Variants in WAPL observed in about 807,000 individuals in gnomAD.
WAPL encodes wings apart-like protein homolog.
A neutral mutation model predicts 121.0 loss-of-function variants in WAPL; 5 were observed. The observed-to-expected ratio is 0.04, with a 90% CI of 0.02 to 0.09. The LOEUF is 0.09. Among genes scored for constraint, WAPL ranks in the 10% least tolerant of loss-of-function variants. The pLI, the probability that WAPL is intolerant of heterozygous loss-of-function variation, is 1.00. For missense variants in WAPL, 999 were observed against 1,410.8 expected (o/e 0.71, Z 4.68); for synonymous variants, 480 against 481.5 (o/e 1.00, Z 0.04).
chr10:86,475,077 T>C (rs1841622129), intron 4 of WAPL, among the ~76,000 whole-genome samples: 1 of 152,250 alleles, frequency 6.6e-6, no homozygotes, highest in South Asian at 2.1e-4. Context: ...ATTGAGGTTA[T>C]TGTGCTGCCC....
intron 16 of WAPL, among the ~76,000 whole-genome samples, chr10:86,445,608 T>C (rs1849596649): frequency 6.6e-6 from 1 of 152,062 alleles, no homozygotes; most frequent in African/African-American, 2.4e-5. Flanking sequence ...CACTGTAACT[T>C]TGAATTCCTC....
At chr10:86,460,016 AG>A (rs1267506469) in intron 11 of WAPL, among the ~76,000 whole-genome samples, 1 of 152,236 alleles carries the variant, frequency 6.6e-6, no homozygotes, top group Non-Finnish European at 1.5e-5. Context: ...CAAGAGGCTG[AG>A]GCATGAAATT....
chr10:86,515,463 T>C (rs969593494), intron 2 of WAPL, among the ~76,000 whole-genome samples: 1 of 152,062 alleles, frequency 6.6e-6, no homozygotes, highest in Admixed American at 6.6e-5. Flanking sequence ...AAATGAGAGC[T>C]GAGTTAAAAT....
At position 86,500,457 on chromosome 10, in the gene WAPL, C is replaced by A; in HGVS notation, c.786G>T (p.Glu262Asp). ...GATTTTTAAAATCGTCATCCTTCATCTCCAAAAGGGGATCACTATCCAAAC... is the reference window on the plus strand; with the variant it reads ...GATTTTTAAAATCGTCATCCTTCATATCCAAAAGGGGATCACTATCCAAAC... ...ILSLDSDPLL[E>D]MKDDDFKNRL... Residue 262 changes from glutamate (E) to aspartate (D), a missense_variant, in exon 3 of 19, where the codon GAG (glutamate) becomes GAT (aspartate). By Grantham distance (45) the Glu-to-Asp change is conservative. Transcript: ENST00000298767. 6.2e-7 allele frequency: 1 copy of A among 1,614,242 alleles called. No individual in the cohort carries two copies. The highest frequency in any genetic ancestry group is 8.5e-7 in the Non-Finnish European group (1 of 1,180,052).
intron 16 of WAPL, among the ~76,000 whole-genome samples, 171 bp downstream of exon 16, chr10:86,446,071 T>G (rs1227478199): frequency 6.6e-6 from 1 of 152,188 alleles, no homozygotes; most frequent in Non-Finnish European, 1.5e-5. Flanking sequence ...CCTTCCTCAC[T>G]GTGGGAGAAC....
chr10:86,517,216 C>T (rs1842571670), intron 2 of WAPL, among the ~76,000 whole-genome samples: 1 of 152,132 alleles, frequency 6.6e-6, no homozygotes, highest in Non-Finnish European at 1.5e-5. Context: ...AAATACTCAT[C>T]TCATTTTCAT....
chr10:86,461,153 C>A, intron 10 of WAPL, 23 bp downstream of exon 10: 1 of 1,539,360 alleles, frequency 6.5e-7, no homozygotes, highest in East Asian at 2.3e-5. Flanking sequence ...TATATAAAAA[C>A]ATTCTAAATG....
rs868836610 is a variant in WAPL, at chr10:86,456,175, G to A, written c.2658-2344C>T. On this transcript the variant is annotated intron_variant, in intron 12 of 18. Transcript: ENST00000298767. ...CACAGGGGTACTAAGCTGAGAGAAG[G>A]ACCTTAGTTAAGGCAGCTAGCACTG... Among the ~76,000 whole-genome samples the A allele has an allele frequency of 4.6e-5, 7 of 152,250 alleles. No individual in the cohort carries two copies. In the South Asian group the frequency reaches 1.5e-3, roughly 32 times the overall value.
rs1842233377 is a variant in WAPL at position 86,500,762 on chromosome 10, G to C, written c.500-19C>G. The stretch of plus-strand genomic sequence containing the variant: ...ACTTTATCTGTAAAAATAAGTCAAA[G>C]GATAAAAACATGAGTGGTATCAACA... On this transcript the variant is annotated intron_variant, in intron 2 of 18. Coordinates refer to ENST00000298767, the MANE Select transcript of WAPL (RefSeq NM_015045.5). 1.3e-6 allele frequency: 2 copies of C among 1,522,988 alleles called. No individual in the cohort carries two copies. The highest frequency in any genetic ancestry group is 1.8e-6 in the Non-Finnish European group (2 of 1,141,372). The allele number at this position is 1,522,988 out of a possible 1,614,324, so 94.3% of individuals were successfully genotyped here.
At chr10:86,480,608 T>TA (rs1017011534) in intron 4 of WAPL, among the ~76,000 whole-genome samples, 38 of 146,794 alleles carry the variant, frequency 2.6e-4, no homozygotes, top group African/African-American at 8.6e-4. Flanking sequence ...AATTTAGAAA[T>TA]AAAAAAACCG....
intron 2 of WAPL, among the ~76,000 whole-genome samples, chr10:86,513,190 G>C (rs1246802056): frequency 6.6e-6 from 1 of 152,072 alleles, no homozygotes. Flanking sequence ...AGAGATGGGG[G>C]TTTCACTATG....
At chr10:86,497,421 AAAG>A in intron 3 of WAPL, 102 bp from the exon 4 acceptor site, 1 of 885,038 alleles carries the variant, frequency 1.1e-6, no homozygotes, top group Non-Finnish European at 1.8e-6. Context: ...AATGGGAAGA[AAAG>A]AATAAAGGAA....
Position 86,453,775 on chromosome 10 carries a change from A to G in WAPL, c.2714T>C (p.Ile905Thr). ...CAGAGGCTTACTGTCAGCTAAGCAT[A>G]TGCTGTCCTCAGCACGGTTGTACTG... is the stretch of plus-strand genomic sequence containing the variant. The part of the protein sequence containing the change: ...IQQYNRAEDS[I>T]CLADSKPLPH... Residue 905 changes from isoleucine to threonine, a missense_variant, in exon 13 of 19, where the codon ATA (isoleucine) becomes ACA (threonine). By Grantham distance (89) the Ile-to-Thr change is moderately conservative (BLOSUM62 -1). Transcript: ENST00000298767. The G allele has an allele frequency of 6.2e-7, 1 of 1,614,116 alleles. No individual in the cohort carries two copies. Among genetic ancestry groups the G allele is most frequent in the Non-Finnish European group, 8.5e-7 (1 of 1,180,028 alleles).
At chr10:86,447,727 G>C (rs192037274) in intron 15 of WAPL, among the ~76,000 whole-genome samples, 90 of 152,288 alleles carry the variant, frequency 5.9e-4, no homozygotes, top group African/African-American at 2.0e-3. Flanking sequence ...TCCTAAACCA[G>C]GAAATTATGC....
At chr10:86,516,197 CTAAACT>C (rs1842553103) in intron 2 of WAPL, among the ~76,000 whole-genome samples, 1 of 152,068 alleles carries the variant, frequency 6.6e-6, no homozygotes, top group Non-Finnish European at 1.5e-5. Context: ...GAAATTTAAC[CTAAACT>C]TAACTTGTCA....
rs922160725 is a variant in WAPL at position 86,435,547 on chromosome 10, T to C, written c.*1996A>G. 1.3e-5 allele frequency: 2 copies of C among 152,596 alleles called. No homozygotes were observed. The highest frequency in any genetic ancestry group is 6.6e-5 in the Admixed American group (1 of 15,262). The allele number at this position is 152,596 out of a possible 1,614,324, so 9.5% of individuals were successfully genotyped here. A position where few individuals can be genotyped will look rare whatever the true frequency, so the allele number is the denominator to read the frequency against. Reference sequence around the variant, plus strand: ...CTAAAATGCAGAGTTCTCTGAGGGTTAAAAACACACAAATGCACTGCAGTT... The same window carrying C: ...CTAAAATGCAGAGTTCTCTGAGGGTCAAAAACACACAAATGCACTGCAGTT... On this transcript the variant is annotated 3_prime_UTR_variant, in exon 19 of 19. Transcript: ENST00000298767.
At chr10:86,516,703 A>G (rs903678875) in intron 2 of WAPL, among the ~76,000 whole-genome samples, 14 of 152,160 alleles carry the variant, frequency 9.2e-5, no homozygotes, top group Admixed American at 2.6e-4. Flanking sequence ...TACAGAAGAC[A>G]GAACAAAATA....
At chr10:86,510,124 G>A (rs1336052004) in intron 2 of WAPL, among the ~76,000 whole-genome samples, 1 of 141,562 alleles carries the variant, frequency 7.1e-6, no homozygotes, top group African/African-American at 2.7e-5. Context: ...GCCCAGGCTG[G>A]AGTGCAGTGG....
intron 17 of WAPL, among the ~76,000 whole-genome samples, chr10:86,440,781 C>T (rs1849449289): frequency 6.7e-6 from 1 of 149,470 alleles, no homozygotes; most frequent in Non-Finnish European, 1.5e-5. Context: ...AGAGGGGCCA[C>T]ACAGAGTGGG....
Sources: allele counts gnomAD v4.1 joint callset (sites outside exome capture counted in the v4.1 genomes callset), GRCh38; gene constraint gnomAD v4.1.1; transcripts MANE v1.5; gene names NCBI Gene and HGNC (gene_info 2026-07-23, HGNC 2026-07-21).